Variants in CCDC85C observed in about 807,000 individuals in gnomAD.
The protein encoded by CCDC85C is coiled-coil domain containing 85C.
In CCDC85C, 18 loss-of-function variants were observed where a neutral mutation model predicts 38.3. That is an observed-to-expected ratio of 0.47 (90% confidence interval 0.33 to 0.70). The LOEUF (loss-of-function observed/expected upper bound fraction) is 0.70. CCDC85C is among the 30% of genes least tolerant of loss of function. CCDC85C has a pLI of 0.03. For synonymous variants in CCDC85C, 264 were observed against 293.8 expected (o/e 0.90, Z 1.04); for missense variants, 566 against 621.2 (o/e 0.91, Z 0.94).
At chr14:99,536,158 T>G in intron 1 of CCDC85C, 70 bp from the exon 2 acceptor site, 2 of 1,083,206 alleles carry the variant, frequency 1.8e-6, no homozygotes, top group Non-Finnish European at 2.8e-6. Flanking sequence ...CAACCCCGAC[T>G]GGCCCCAGAC....
chr14:99,510,757 TG>T lies in CCDC85C; in HGVS notation c.*4488del. ...CCCGGCATGCCTCCAGTTGGGGGGC[TG>T]GGGCGGGCAGCCTGGATGAGATAAC... On this transcript the variant is annotated 3_prime_UTR_variant, in exon 6 of 6. Coordinates refer to ENST00000380243, the MANE Select transcript of CCDC85C (RefSeq NM_001144995.2). 1.4e-6 allele frequency: 2 copies of T among 1,453,550 alleles called. No homozygotes were observed. The highest frequency in any genetic ancestry group is 9.1e-7 in the Non-Finnish European group (1 of 1,103,960). The allele number at this position is 1,453,550 out of a possible 1,614,324, so 90.0% of individuals were successfully genotyped here.
intron 2 of CCDC85C, among the ~76,000 whole-genome samples, chr14:99,527,979 C>G (rs1897420163): frequency 6.6e-6 from 1 of 152,190 alleles, no homozygotes; most frequent in South Asian, 2.1e-4. Flanking sequence ...GCATCACTGT[C>G]TTGCTATTAT....
intron 1 of CCDC85C, among the ~76,000 whole-genome samples, chr14:99,585,676 C>A (rs1007680788): frequency 6.6e-6 from 1 of 152,242 alleles, no homozygotes; most frequent in East Asian, 1.9e-4. Context: ...AGGTGTGGCA[C>A]GTGGGTCTGC....
intron 1 of CCDC85C, among the ~76,000 whole-genome samples, chr14:99,580,476 G>A (rs113361514): frequency 0.074 from 10,617 of 143,218 alleles, 672 homozygotes; most frequent in African/African-American, 0.17. Context: ...TGAGGGGAGG[G>A]GGGGAAGGGG....
intron 2 of CCDC85C, chr14:99,534,588 C>T (rs1392104506): frequency 5.7e-6 from 4 of 701,800 alleles, no homozygotes; most frequent in Non-Finnish European, 1.0e-5. Flanking sequence ...GCCTCTCCTA[C>T]ACACTGCATG....
intron 1 of CCDC85C, among the ~76,000 whole-genome samples, chr14:99,592,458 G>A (rs940943022): frequency 6.6e-6 from 1 of 152,228 alleles, no homozygotes; most frequent in Non-Finnish European, 1.5e-5. Context: ...CCAGGGCGAT[G>A]TTTTCCCTCT....
intron 1 of CCDC85C, among the ~76,000 whole-genome samples, chr14:99,552,497 G>C (rs1395617780): frequency 6.6e-6 from 1 of 152,224 alleles, no homozygotes; most frequent in Non-Finnish European, 1.5e-5. Flanking sequence ...CCAAGCCTCA[G>C]TGTCCCCTCA....
chr14:99,523,526 G>A (rs937398848), intron 2 of CCDC85C, among the ~76,000 whole-genome samples: 4 of 152,182 alleles, frequency 2.6e-5, no homozygotes, highest in Non-Finnish European at 4.4e-5. Flanking sequence ...CAGCTCCCAC[G>A]GAGCCAAGAC....
At chr14:99,562,755 A>G (rs112065276) in intron 1 of CCDC85C, among the ~76,000 whole-genome samples, 24 of 100,612 alleles carry the variant, frequency 2.4e-4, no homozygotes, top group African/African-American at 1.1e-3. Flanking sequence ...ACATGCATGC[A>G]CACACGTGTG....
intron 1 of CCDC85C, among the ~76,000 whole-genome samples, chr14:99,555,846 C>A (rs1445074039): frequency 6.6e-6 from 1 of 152,170 alleles, no homozygotes; most frequent in African/African-American, 2.4e-5. Context: ...AATGGGGGAC[C>A]CTCCCAAACC....
chr14:99,549,854 G>A (rs191514889), intron 1 of CCDC85C, among the ~76,000 whole-genome samples: 190 of 152,368 alleles, frequency 1.2e-3, no homozygotes, highest in Non-Finnish European at 2.2e-3. Context: ...AGAAGGACCA[G>A]CTCCTTTCAT....
At chr14:99,583,652 C>G (rs2054997786) in intron 1 of CCDC85C, among the ~76,000 whole-genome samples, 1 of 151,678 alleles carries the variant, frequency 6.6e-6, no homozygotes, top group East Asian at 1.9e-4. Flanking sequence ...TAAAAAAATA[C>G]AAAACATTAG....
chr14:99,522,079 T>C (rs1897310224), intron 3 of CCDC85C, 54 bp downstream of exon 3: 1 of 1,417,578 alleles, frequency 7.1e-7, no homozygotes, highest in African/African-American at 1.4e-5. Context: ...CTGGCCCGCC[T>C]GAGCCTCAGC....
intron 1 of CCDC85C, among the ~76,000 whole-genome samples, chr14:99,570,545 T>G (rs993530040): frequency 6.6e-6 from 1 of 152,004 alleles, no homozygotes; most frequent in African/African-American, 2.4e-5. Context: ...CGGATGCTTC[T>G]TTTTCAGGGA....
At chr14:99,563,302 G>C (rs1228634861) in intron 1 of CCDC85C, among the ~76,000 whole-genome samples, 1 of 152,284 alleles carries the variant, frequency 6.6e-6, no homozygotes, top group East Asian at 1.9e-4. Flanking sequence ...TCCATCCTTT[G>C]TATGGTCAAC....
Position 99,500,678 on chromosome 14 carries a change from A to T in CCDC85C, c.*14568T>A. 1 of 860,674 alleles carries T rather than the reference A, an allele frequency of 1.2e-6. No homozygotes were observed. 53.3% of individuals were successfully genotyped at this position (860,674 alleles called of 1,614,324 possible). ...TTGCTAAAATATAACTTGAAGAGAG[A>T]ATAAATAGACAGGAAAGCTCACTTT... On this transcript the variant is annotated 3_prime_UTR_variant, in exon 6 of 6. Transcript: ENST00000380243.
intron 1 of CCDC85C, among the ~76,000 whole-genome samples, chr14:99,542,913 C>G (rs77163926): frequency 0.019 from 2,897 of 152,316 alleles, 99 homozygotes; most frequent in African/African-American, 0.067. Context: ...AGCTGAGCCA[C>G]CAGAGCCTGG....
chr14:99,595,272 T>C (rs986427559), intron 1 of CCDC85C, among the ~76,000 whole-genome samples: 1 of 152,218 alleles, frequency 6.6e-6, no homozygotes, highest in Non-Finnish European at 1.5e-5. Flanking sequence ...TTTGTTTTGT[T>C]TTGAGATGAG....
In CCDC85C at chr14:99,520,874, C is replaced by T. The variant is rs1166834743; in HGVS notation, c.975+1259G>A. Among the ~76,000 whole-genome samples the T allele has an allele frequency of 2.6e-5, 4 of 152,378 alleles. No individual in the cohort carries two copies. The highest frequency in any genetic ancestry group is 9.6e-5 in the African/African-American group (4 of 41,590). Reference sequence around the variant, plus strand: ...AAGAGGAACAAACCCTTTCCCAAGGCTGCCTCCTCCAGGAAGCCTTCCTGA... The same window carrying T: ...AAGAGGAACAAACCCTTTCCCAAGGTTGCCTCCTCCAGGAAGCCTTCCTGA... On this transcript the variant is annotated intron_variant, in intron 3 of 5. Coordinates refer to ENST00000380243, the MANE Select transcript of CCDC85C (RefSeq NM_001144995.2). The surrounding 1 kb of genome is among the most constrained non-coding windows in gnomAD (Gnocchi z 4.1).
Sources: allele counts gnomAD v4.1 joint callset (sites outside exome capture counted in the v4.1 genomes callset), GRCh38; gene constraint gnomAD v4.1.1; non-coding constraint Gnocchi (gnomAD v3.1); transcripts MANE v1.5; gene names NCBI Gene and HGNC (gene_info 2026-07-23, HGNC 2026-07-21).